The following ARID4B variants were observed in gnomAD, a reference collection of about 807,000 sequenced individuals.
The protein encoded by ARID4B is AT-rich interaction domain 4B, also known as AT-rich interactive domain-containing protein 4B.
A neutral mutation model predicts 147.5 loss-of-function variants in ARID4B; 26 were observed. The observed-to-expected ratio is 0.18, with a 90% CI of 0.13 to 0.24. The LOEUF (loss-of-function observed/expected upper bound fraction) is 0.24, where lower values mean the gene tolerates loss of function less well. ARID4B is among the 10% of genes least tolerant of loss of function. The pLI, the probability that ARID4B is intolerant of heterozygous loss-of-function variation, is 1.00. For synonymous variants in ARID4B, 512 were observed against 507.9 expected, an observed-to-expected ratio of 1.01 and a Z score of -0.11; for missense variants, 1,179 against 1,511.5, an observed-to-expected ratio of 0.78 and a Z score of 3.65.
chr1:235,173,972 C>T (rs913276679), intron 22 of ARID4B, among the ~76,000 whole-genome samples: 2 of 150,640 alleles, frequency 1.3e-5, no homozygotes, highest in African/African-American at 4.9e-5. Flanking sequence ...ATCATCTGCA[C>T]CCCTATCCAT....
rs1479736699 is a variant in ARID4B at position 235,240,187 on chromosome 1, T to C, written c.585+126A>G. On this transcript the variant is annotated intron_variant, in intron 8 of 23. Transcript: ENST00000264183. Reference sequence around the variant, plus strand: ...AAGACAACGTTGAAAGTAAGCTTAGTGTGAACTAAATAATGCTAAAAACAT... The same window carrying C: ...AAGACAACGTTGAAAGTAAGCTTAGCGTGAACTAAATAATGCTAAAAACAT... The C allele has an allele frequency of 3.6e-6, 3 of 843,762 alleles. No homozygotes were observed. The Admixed American group carries it at 9.7e-5, about 27-fold the overall frequency. The allele number at this position is 843,762 out of a possible 1,614,324, so 52.3% of individuals were successfully genotyped here.
chr1:235,275,087 AT>A (rs746354914), intron 2 of ARID4B, among the ~76,000 whole-genome samples: 13 of 152,178 alleles, frequency 8.5e-5, no homozygotes, highest in Non-Finnish European at 1.5e-4. Context: ...AACAAATCAT[AT>A]TTTAATAAGT....
intron 17 of ARID4B, among the ~76,000 whole-genome samples, chr1:235,200,687 ACTT>A (rs1665851750): frequency 6.6e-6 from 1 of 152,184 alleles, no homozygotes; most frequent in African/African-American, 2.4e-5. Context: ...AGTTAATCCT[ACTT>A]CTTCTTTATA....
rs146348598 is a variant in ARID4B, at chr1:235,325,875, G to A, written c.6+1039C>T. Among the ~76,000 whole-genome samples the A allele has an allele frequency of 5.2e-3, 791 of 152,258 alleles. 13 individuals are homozygous for A. Among genetic ancestry groups the A allele is most frequent in the African/African-American group, 0.018 (755 of 41,554 alleles). Reference sequence around the variant, plus strand: ...CAGCTTTTACCTTCTACAACCACAAGTATTACAAATTTTAATTTGGATGCA... The same window carrying A: ...CAGCTTTTACCTTCTACAACCACAAATATTACAAATTTTAATTTGGATGCA... On this transcript the variant is annotated intron_variant, in intron 2 of 23. Coordinates refer to ENST00000264183, the MANE Select transcript of ARID4B (RefSeq NM_016374.6).
intron 2 of ARID4B, among the ~76,000 whole-genome samples, chr1:235,314,036 G>GA (rs1674263510): frequency 6.6e-6 from 1 of 152,066 alleles, no homozygotes; most frequent in Non-Finnish European, 1.5e-5. Flanking sequence ...ACAATGTATT[G>GA]AGAACTTACT....
intron 8 of ARID4B, 120 bp downstream of exon 8, chr1:235,240,193 C>T (rs1349670601): frequency 4.3e-6 from 4 of 924,332 alleles, no homozygotes; most frequent in Non-Finnish European, 6.3e-6. Context: ...TTAGTGTGAA[C>T]TAAATAATGC....
chr1:235,238,152 A>G (rs1668737235), intron 8 of ARID4B, among the ~76,000 whole-genome samples: 1 of 151,230 alleles, frequency 6.6e-6, no homozygotes, highest in South Asian at 2.1e-4. Flanking sequence ...TCAAAAAAAA[A>G]AAAAAGAAAA....
chr1:235,253,973 TTCTTA>T (rs1669797372), intron 5 of ARID4B, among the ~76,000 whole-genome samples: 1 of 152,206 alleles, frequency 6.6e-6, no homozygotes, highest in Non-Finnish European at 1.5e-5. Context: ...TAAAATTAGA[TTCTTA>T]TACGTTACAT....
intron 2 of ARID4B, among the ~76,000 whole-genome samples, chr1:235,312,734 G>A (rs917629022): frequency 2.0e-4 from 30 of 152,110 alleles, no homozygotes; most frequent in Admixed American, 5.9e-4. Context: ...AGCACTTTGA[G>A]AAGCCAAGGC....
At chr1:235,203,899 T>C (rs1304819722) in intron 17 of ARID4B, among the ~76,000 whole-genome samples, 1 of 152,214 alleles carries the variant, frequency 6.6e-6, no homozygotes, top group Non-Finnish European at 1.5e-5. Context: ...GAATTTTATA[T>C]AATCTCAATT....
intron 2 of ARID4B, among the ~76,000 whole-genome samples, chr1:235,303,503 C>G (rs1053620955): frequency 5.3e-5 from 8 of 152,204 alleles, no homozygotes; most frequent in Middle Eastern, 6.8e-3. Context: ...GCAAGAAGAT[C>G]ATTTGAGGCC....
At chr1:235,205,193 C>G (rs900852813) in intron 17 of ARID4B, among the ~76,000 whole-genome samples, 1 of 151,778 alleles carries the variant, frequency 6.6e-6, no homozygotes, top group Admixed American at 6.6e-5. Context: ...ATACACAACT[C>G]AAGTACAGCA....
At chr1:235,309,117 C>A (rs1242737577) in intron 2 of ARID4B, among the ~76,000 whole-genome samples, 7 of 150,224 alleles carry the variant, frequency 4.7e-5, no homozygotes, top group African/African-American at 1.5e-4. Context: ...GGGAGCACCT[C>A]TGCCCCGCCG....
intron 11 of ARID4B, among the ~76,000 whole-genome samples, chr1:235,226,006 T>C (rs1200975937): frequency 6.6e-6 from 1 of 152,226 alleles, no homozygotes; most frequent in Non-Finnish European, 1.5e-5. Flanking sequence ...TCTAAGGACA[T>C]CTATTTTCTA....
chr1:235,221,886 A>ATTTTTTTTTTTTTTTTTTT (rs768600040), intron 13 of ARID4B, among the ~76,000 whole-genome samples: 1 of 53,660 alleles, frequency 1.9e-5, no homozygotes, highest in African/African-American at 8.7e-5. Flanking sequence ...TCATTTGACT[A>ATTTTTTTTTTTTTTTTTTT]TTTTTTTTTT....
At chr1:235,276,716 G>A (rs903639811) in intron 2 of ARID4B, among the ~76,000 whole-genome samples, 1 of 152,046 alleles carries the variant, frequency 6.6e-6, no homozygotes, top group Non-Finnish European at 1.5e-5. Context: ...AAGAGATGTT[G>A]GCCAGGCGCG....
chr1:235,292,165 T>G (rs1486163861), intron 2 of ARID4B, among the ~76,000 whole-genome samples: 2 of 152,366 alleles, frequency 1.3e-5, no homozygotes, highest in Non-Finnish European at 2.9e-5. Flanking sequence ...ATATTTCATA[T>G]GATTTTGCAA....
chr1:235,168,927 C>T (rs1268239124), intron 23 of ARID4B, among the ~76,000 whole-genome samples: 1 of 152,142 alleles, frequency 6.6e-6, no homozygotes, highest in East Asian at 1.9e-4. Flanking sequence ...TGTGCCTAGT[C>T]TACAAGACAC....
intron 2 of ARID4B, among the ~76,000 whole-genome samples, chr1:235,288,145 A>G (rs1350163708): frequency 1.3e-5 from 2 of 152,166 alleles, no homozygotes; most frequent in East Asian, 3.9e-4. Context: ...CCCCTTCTCT[A>G]TTAAAGAAAT....
Sources: allele counts gnomAD v4.1 joint callset (sites outside exome capture counted in the v4.1 genomes callset), GRCh38; gene constraint gnomAD v4.1.1; transcripts MANE v1.5; gene names NCBI Gene and HGNC (gene_info 2026-07-23, HGNC 2026-07-21).